Variants in RAB21 observed in about 807,000 individuals in gnomAD.
RAB21 encodes RAB21, member RAS oncogene family.
RAB21 carries 13 observed loss-of-function variants against 33.1 expected under a neutral mutation model. The observed-to-expected ratio is 0.39, with a 90% CI of 0.26 to 0.62. The LOEUF (loss-of-function observed/expected upper bound fraction) is 0.62. Ranked by LOEUF, RAB21 falls within the 20% of genes least tolerant of loss-of-function variation. The pLI is 0.48. For synonymous variants in RAB21, 91 were observed against 103.7 expected (o/e 0.88, Z 0.74); for missense variants, 234 against 279.1 (o/e 0.84, Z 1.15).
intron 3 of RAB21, 59 bp from the exon 4 acceptor site, chr12:71,773,897 GTGT>G: frequency 8.6e-7 from 1 of 1,160,412 alleles, no homozygotes; most frequent in Non-Finnish European, 1.3e-6. Context: ...AGTTTTTTGG[GTGT>G]TGTGATAGTA....
At chr12:71,755,392 C>T in intron 1 of RAB21, 104 bp downstream of exon 1, 1 of 1,294,482 alleles carries the variant, frequency 7.7e-7, no homozygotes, top group East Asian at 3.3e-5. Flanking sequence ...TGGCAAATCT[C>T]AGGCCTGTCA....
chr12:71,755,427 G>C, intron 1 of RAB21, 139 bp downstream of exon 1: 1 of 1,087,024 alleles, frequency 9.2e-7, no homozygotes, highest in Middle Eastern at 3.1e-4. Flanking sequence ...TTACCTTTCC[G>C]AATTCGCCCT....
At chr12:71,776,327 A>G (rs1472158344) in intron 4 of RAB21, among the ~76,000 whole-genome samples, 2 of 152,280 alleles carry the variant, frequency 1.3e-5, no homozygotes, top group African/African-American at 2.4e-5. Flanking sequence ...TCAATGAAGT[A>G]CCTTTTATGT....
intron 1 of RAB21, among the ~76,000 whole-genome samples, chr12:71,762,884 C>T (rs1354572974): frequency 6.6e-6 from 1 of 152,018 alleles, no homozygotes; most frequent in African/African-American, 2.4e-5. Flanking sequence ...CCCGGCCTAG[C>T]TTAGTTTTTT....
chr12:71,757,375 G>T (rs970678351), intron 1 of RAB21, among the ~76,000 whole-genome samples: 1 of 152,154 alleles, frequency 6.6e-6, no homozygotes, highest in African/African-American at 2.4e-5. Context: ...CTCCCAAAGT[G>T]CTGGGATTAC....
At chr12:71,757,318 C>G (rs1882800403) in intron 1 of RAB21, among the ~76,000 whole-genome samples, 1 of 152,106 alleles carries the variant, frequency 6.6e-6, no homozygotes, top group Non-Finnish European at 1.5e-5. Context: ...CCATGTTGTC[C>G]AGACAGGTCT....
At position 71,755,886 on chromosome 12, in the gene RAB21, C is replaced by A. The variant is rs115633800; in HGVS notation, c.159+598C>A. 2.9e-3 allele frequency among the ~76,000 whole-genome samples: 443 copies of A among 152,208 alleles called. 2 individuals carry two copies. Among genetic ancestry groups the A allele is most frequent in the African/African-American group, 9.9e-3 (413 of 41,526 alleles). ...CTCATATTCTGCGAGGTCGATTGACCCACGCTGAAACATCAAGTGAATACT... is the reference window on the plus strand; with the variant it reads ...CTCATATTCTGCGAGGTCGATTGACACACGCTGAAACATCAAGTGAATACT... On this transcript the variant is annotated intron_variant, in intron 1 of 6. Transcript: ENST00000261263.
At chr12:71,762,336 C>T (rs1417721610) in intron 1 of RAB21, among the ~76,000 whole-genome samples, 1 of 151,820 alleles carries the variant, frequency 6.6e-6, no homozygotes, top group South Asian at 2.1e-4. Context: ...GACGGAGTCT[C>T]GCTCTGTCGC....
intron 1 of RAB21, among the ~76,000 whole-genome samples, chr12:71,762,275 C>T (rs1258716348): frequency 1.3e-5 from 2 of 150,236 alleles, no homozygotes; most frequent in Non-Finnish European, 3.0e-5. Context: ...AATATTCAAG[C>T]ACCTAGCTTA....
Position 71,795,086 on chromosome 12 carries a change from AGAGTTCAATGAT to A in RAB21, c.*9416_*9427del. 6.6e-6 allele frequency: 1 copy of A among 152,332 alleles called. No individual in the cohort carries two copies. Among genetic ancestry groups the A allele is most frequent in the Admixed American group, 6.5e-5 (1 of 15,300 alleles). 9.4% of individuals were successfully genotyped at this position (152,332 alleles called of 1,614,324 possible). On this transcript the variant is annotated 3_prime_UTR_variant, in exon 7 of 7. Coordinates refer to ENST00000261263, the MANE Select transcript of RAB21 (RefSeq NM_014999.4). ...TCTTAAATATGGAACTAAGAGCTAAAGAGTTCAATGATGATTAAGACCACTAGTCTGGCAAGT... is the reference window on the plus strand; with the variant it reads ...TCTTAAATATGGAACTAAGAGCTAAAGATTAAGACCACTAGTCTGGCAAGT...
chr12:71,775,720 A>G (rs1883109586), intron 4 of RAB21, among the ~76,000 whole-genome samples: 1 of 152,096 alleles, frequency 6.6e-6, no homozygotes, highest in Non-Finnish European at 1.5e-5. Context: ...TATTTTTAGT[A>G]GAGACAGGGT....
In RAB21 at chr12:71,798,010, C is replaced by T. The variant is rs1883487196; in HGVS notation, c.*12337C>T. On this transcript the variant is annotated 3_prime_UTR_variant, in exon 7 of 7. Coordinates refer to ENST00000261263, the MANE Select transcript of RAB21 (RefSeq NM_014999.4). ...AGATTTTAGTGTGGTAAAGGATTTC[C>T]TGAATTTGATATAAAATTTGGAATA... is the stretch of plus-strand genomic sequence containing the variant. 1 of 151,940 alleles carries T rather than the reference C, an allele frequency of 6.6e-6. No individual in the cohort carries two copies. The highest frequency in any genetic ancestry group is 6.6e-5 in the Admixed American group (1 of 15,248). The allele number at this position is 151,940 out of a possible 1,614,324, so 9.4% of individuals were successfully genotyped here.
intron 4 of RAB21, among the ~76,000 whole-genome samples, chr12:71,776,454 T>G (rs1199975574): frequency 6.6e-6 from 1 of 152,186 alleles, no homozygotes; most frequent in Non-Finnish European, 1.5e-5. Flanking sequence ...TAAAAATGTT[T>G]ATATAGTGTA....
chr12:71,773,504 T>C (rs948560074), intron 3 of RAB21, among the ~76,000 whole-genome samples: 1 of 146,732 alleles, frequency 6.8e-6, no homozygotes, highest in Non-Finnish European at 1.5e-5. Flanking sequence ...TTGGTGCTTA[T>C]ATACATTTTT....
At chr12:71,778,618 T>C (rs974224255) in intron 4 of RAB21, among the ~76,000 whole-genome samples, 1 of 152,128 alleles carries the variant, frequency 6.6e-6, no homozygotes, top group Admixed American at 6.5e-5. Flanking sequence ...GTAAACAAAA[T>C]AGATACGGTT....
intron 1 of RAB21, among the ~76,000 whole-genome samples, chr12:71,768,361 C>G (rs773453209): frequency 1.8e-4 from 28 of 152,166 alleles, no homozygotes; most frequent in Middle Eastern, 6.3e-3. Flanking sequence ...GACCTTTTAT[C>G]TGTTTCACCT....
Position 71,755,140 on chromosome 12 carries a change from CCGGCGGCGG to C in RAB21, c.21_29del (p.Gly8_Gly10del), listed in dbSNP as rs755690537. ...CCGGGAAGCGACGGGATGGCTGCGG[CCGGCGGCGG>C]CGGCGGCGGGGCGGCGGCGGCGGGC... On this transcript the variant is annotated inframe_deletion, in exon 1 of 7. Coordinates refer to ENST00000261263, the MANE Select transcript of RAB21 (RefSeq NM_014999.4). 35 of 1,255,466 alleles carry C rather than the reference CCGGCGGCGG, an allele frequency of 2.8e-5. No individual in the cohort carries two copies. The African/African-American group carries it at 3.0e-4, about 11-fold the overall frequency. The allele number at this position is 1,255,466 out of a possible 1,614,324, so 77.8% of individuals were successfully genotyped here. A position where few individuals can be genotyped will look rare whatever the true frequency, so the allele number is the denominator to read the frequency against.
At chr12:71,762,181 C>G (rs574040375) in intron 1 of RAB21, among the ~76,000 whole-genome samples, 2 of 152,264 alleles carry the variant, frequency 1.3e-5, no homozygotes, top group African/African-American at 4.8e-5. Context: ...AAACATGATT[C>G]TTTGACTTTC....
In RAB21 at chr12:71,788,614, T is replaced by TA. The variant is rs1565898093; in HGVS notation, c.*2942dup. ...ATTCTTTTTCTGATAATTGTGCTAT[T>TA]AGGCAGAAGACACAAGTTACCACGT... On this transcript the variant is annotated 3_prime_UTR_variant, in exon 7 of 7. Transcript: ENST00000261263. The TA allele has an allele frequency of 6.6e-6, 1 of 152,192 alleles. No individual in the cohort carries two copies. The highest frequency in any genetic ancestry group is 1.5e-5 in the Non-Finnish European group (1 of 68,026). 9.4% of individuals were successfully genotyped at this position (152,192 alleles called of 1,614,324 possible).
Sources: allele counts gnomAD v4.1 joint callset (sites outside exome capture counted in the v4.1 genomes callset), GRCh38; gene constraint gnomAD v4.1.1; transcripts MANE v1.5; gene names NCBI Gene and HGNC (gene_info 2026-07-23, HGNC 2026-07-21).